Variants in ETV1 observed in about 807,000 individuals in gnomAD.
ETV1 encodes ETS variant transcription factor 1, also known as ETS translocation variant 1.
Under a neutral mutation model 62.3 loss-of-function variants are expected in ETV1, and 27 were observed. That is an observed-to-expected ratio of 0.43 (90% confidence interval 0.32 to 0.60). The LOEUF is 0.60. Ranked by LOEUF, ETV1 falls within the 20% of genes least tolerant of loss-of-function variation. The probability of loss-of-function intolerance (pLI) is 0.06; values close to 1 mark genes in which losing one functional copy is unlikely to be tolerated. For synonymous variants in ETV1, 222 were observed against 199.6 expected (o/e 1.11, Z -0.94); for missense variants, 605 against 605.8 (o/e 1.00, Z 0.01).
chr7:13,982,895 G>A (rs991960192), intron 5 of ETV1, among the ~76,000 whole-genome samples: 1 of 151,868 alleles, frequency 6.6e-6, no homozygotes, highest in Admixed American at 6.6e-5. Context: ...ATTACACATA[G>A]TAAGTAACAA....
chr7:13,988,230 G>T (rs934763460), intron 3 of ETV1, 57 bp from the exon 4 acceptor site: 22 of 984,096 alleles, frequency 2.2e-5, no homozygotes, highest in Admixed American at 3.8e-5. Context: ...TCACACACAC[G>T]CACACGCGCG....
chr7:13,961,154 A>C (rs940510110), intron 6 of ETV1, among the ~76,000 whole-genome samples: 1 of 144,008 alleles, frequency 6.9e-6, no homozygotes, highest in Admixed American at 6.7e-5. Context: ...TCAAAAAAAA[A>C]AGAAAAAAAA....
chr7:13,933,873 T>A (rs1366089647), intron 8 of ETV1, among the ~76,000 whole-genome samples: 1 of 152,176 alleles, frequency 6.6e-6, no homozygotes, highest in Non-Finnish European at 1.5e-5. Flanking sequence ...GAAACTAAAA[T>A]GAATTTGGCT....
intron 6 of ETV1, among the ~76,000 whole-genome samples, chr7:13,944,525 T>C (rs1787930175): frequency 6.6e-6 from 1 of 151,030 alleles, no homozygotes; most frequent in Admixed American, 6.6e-5. Context: ...CACTGGGGAG[T>C]AAGTTTCAAT....
chr7:13,968,757 A>C (rs1024757381), intron 6 of ETV1, among the ~76,000 whole-genome samples: 13 of 151,920 alleles, frequency 8.6e-5, no homozygotes, highest in African/African-American at 3.1e-4. Flanking sequence ...ACAAAATCAT[A>C]ATGTGGCTCT....
intron 9 of ETV1, among the ~76,000 whole-genome samples, chr7:13,920,524 A>C (rs1038683896): frequency 6.6e-6 from 1 of 151,986 alleles, no homozygotes; most frequent in African/African-American, 2.4e-5. Flanking sequence ...GCGTCCATTC[A>C]TGTAAGAGAA....
chr7:13,926,596 G>C (rs1443114111), intron 9 of ETV1, among the ~76,000 whole-genome samples: 1 of 152,026 alleles, frequency 6.6e-6, no homozygotes, highest in African/African-American at 2.4e-5. Context: ...GTGGGCATTT[G>C]ACCATAAGGG....
At chr7:13,902,237 C>G (rs1782511819) in intron 12 of ETV1, among the ~76,000 whole-genome samples, 1 of 152,002 alleles carries the variant, frequency 6.6e-6, no homozygotes, top group African/African-American at 2.4e-5. Context: ...CATTCTGTCT[C>G]TCTTTGCTTT....
In ETV1 at chr7:13,989,346, A is replaced by G. The variant is rs918710604; in HGVS notation, c.-166T>C. The stretch of plus-strand genomic sequence containing the variant: ...CAAAAATCCGAACAAGAGGCGATGT[A>G]TTTATTTACACTCTCGATGTTTCCC... On this transcript the variant is annotated 5_prime_UTR_variant, in exon 2 of 14. Coordinates refer to ENST00000430479, the MANE Select transcript of ETV1 (RefSeq NM_004956.5). 2.0e-6 allele frequency: 1 copy of G among 507,030 alleles called. No individual in the cohort carries two copies. The highest frequency in any genetic ancestry group is 2.0e-5 in the African/African-American group (1 of 50,628). 31.4% of individuals were successfully genotyped at this position (507,030 alleles called of 1,614,324 possible).
In ETV1 at chr7:13,894,115, A is replaced by T. The variant is rs1390226788; in HGVS notation, c.*1751T>A. On this transcript the variant is annotated 3_prime_UTR_variant, in exon 14 of 14. Coordinates refer to ENST00000430479, the MANE Select transcript of ETV1 (RefSeq NM_004956.5). Reference sequence around the variant, plus strand: ...CAATCTTTTTCATGCTCATCACGAAATGCTTTTACAATAGGTTTATTTTGA... The same window carrying T: ...CAATCTTTTTCATGCTCATCACGAATTGCTTTTACAATAGGTTTATTTTGA... 2 of 232,170 alleles carry T rather than the reference A, an allele frequency of 8.6e-6. No individual in the cohort carries two copies. Among genetic ancestry groups the T allele is most frequent in the African/African-American group, 4.4e-5 (2 of 45,120 alleles). The allele number at this position is 232,170 out of a possible 1,614,324, so 14.4% of individuals were successfully genotyped here. A position where few individuals can be genotyped will look rare whatever the true frequency, so the allele number is the denominator to read the frequency against.
rs3823702 is a variant in ETV1, at chr7:13,895,682, C to T, written c.*184G>A. ...AAATGTTTAGATTACTCCCACCCAC[C>T]CTCAAATAAAGTGCACAGTCCATGG... On this transcript the variant is annotated 3_prime_UTR_variant, in exon 14 of 14. Coordinates refer to ENST00000430479, the MANE Select transcript of ETV1 (RefSeq NM_004956.5). 0.12 allele frequency: 68,781 copies of T among 575,024 alleles called. 5,098 individuals carry two copies. Among genetic ancestry groups the T allele is most frequent in the East Asian group, 0.29 (10,371 of 35,922 alleles). The allele number at this position is 575,024 out of a possible 1,614,324, so 35.6% of individuals were successfully genotyped here.
intron 13 of ETV1, 157 bp downstream of exon 13, chr7:13,900,581 A>G (rs1298663353): frequency 3.5e-6 from 2 of 573,454 alleles, no homozygotes; most frequent in South Asian, 2.4e-5. Context: ...GCATTTATAC[A>G]TAGAAAGGCT....
At chr7:13,910,071 G>A (rs993546559) in intron 10 of ETV1, among the ~76,000 whole-genome samples, 5 of 152,016 alleles carry the variant, frequency 3.3e-5, no homozygotes, top group African/African-American at 1.2e-4. Context: ...CAATGAAAAA[G>A]TGAGAAAGCA....
intron 9 of ETV1, among the ~76,000 whole-genome samples, chr7:13,915,696 G>C (rs1784078431): frequency 6.6e-6 from 1 of 152,168 alleles, no homozygotes; most frequent in Non-Finnish European, 1.5e-5. Context: ...GTCAAATTGA[G>C]TGCACTCAAT....
At chr7:13,945,750 G>T (rs552325417) in intron 6 of ETV1, among the ~76,000 whole-genome samples, 65 of 152,306 alleles carry the variant, frequency 4.3e-4, no homozygotes, top group African/African-American at 1.5e-3. Context: ...CTGAGAATCT[G>T]AGTCTGCTAA....
chr7:13,948,265 T>G (rs1255450844), intron 6 of ETV1, among the ~76,000 whole-genome samples: 3 of 152,236 alleles, frequency 2.0e-5, no homozygotes, highest in Non-Finnish European at 4.4e-5. Context: ...TAAGTTGTCT[T>G]GGCTCTGACC....
intron 6 of ETV1, among the ~76,000 whole-genome samples, chr7:13,961,671 A>C (rs1790181742): frequency 6.6e-6 from 1 of 152,200 alleles, no homozygotes; most frequent in Admixed American, 6.5e-5. Flanking sequence ...TGTTAGACCC[A>C]CAAATTAGGG....
At chr7:13,905,635 C>T (rs1259748904) in intron 12 of ETV1, among the ~76,000 whole-genome samples, 1 of 152,136 alleles carries the variant, frequency 6.6e-6, no homozygotes, top group Non-Finnish European at 1.5e-5. Flanking sequence ...GGAAATACTC[C>T]ATTTGTATGT....
At chr7:13,950,495 G>A (rs190801465) in intron 6 of ETV1, among the ~76,000 whole-genome samples, 10 of 152,192 alleles carry the variant, frequency 6.6e-5, no homozygotes, top group African/African-American at 2.2e-4. Context: ...AAAAAGCCCC[G>A]GAAGTGATCA....
Sources: gnomAD v4.1 joint callset for allele counts (sites outside exome capture counted in the v4.1 genomes callset) on GRCh38, gnomAD v4.1.1 for gene constraint, MANE v1.5 for transcripts, NCBI Gene and HGNC (gene_info 2026-07-23, HGNC 2026-07-21) for gene names.